Variants in ROBO1 observed in about 807,000 individuals in gnomAD.
ROBO1 encodes roundabout homolog 1.
ROBO1 carries 149 observed loss-of-function variants against 195.9 expected under a neutral mutation model. The observed-to-expected ratio is 0.76, with a 90% CI of 0.67 to 0.87. ROBO1 has a LOEUF of 0.87. Among genes scored for constraint, ROBO1 ranks in the 40% least tolerant of loss-of-function variants. ROBO1 has a pLI of 0.00. For synonymous variants in ROBO1, 816 were observed against 733.2 expected, an observed-to-expected ratio of 1.11 and a Z score of -1.82; for missense variants, 1,933 against 2,068.3, an observed-to-expected ratio of 0.93 and a Z score of 1.27.
At chr3:79,012,357 G>A (rs529218757) in intron 3 of ROBO1, among the ~76,000 whole-genome samples, 6 of 152,166 alleles carry the variant, frequency 3.9e-5, no homozygotes, top group South Asian at 2.1e-4. Flanking sequence ...TGCTTTTAAC[G>A]CTTCATTTAA....
At chr3:78,983,396 T>C (rs1214889582) in intron 3 of ROBO1, among the ~76,000 whole-genome samples, 2 of 152,248 alleles carry the variant, frequency 1.3e-5, no homozygotes, top group Non-Finnish European at 2.9e-5. Flanking sequence ...ATGCACCATA[T>C]TTTTCTTCAT....
chr3:78,922,016 T>C (rs551112378), intron 4 of ROBO1, among the ~76,000 whole-genome samples: 3 of 152,134 alleles, frequency 2.0e-5, no homozygotes, highest in African/African-American at 2.4e-5. Flanking sequence ...TCTTATTTAG[T>C]AGATCATGAG....
chr3:79,337,982 T>G (rs1488950540), intron 2 of ROBO1, among the ~76,000 whole-genome samples: 1 of 152,188 alleles, frequency 6.6e-6, no homozygotes, highest in African/African-American at 2.4e-5. Flanking sequence ...CAAGAAAATA[T>G]TGGGCTATTA....
At chr3:79,056,607 C>A (rs938446052) in intron 3 of ROBO1, among the ~76,000 whole-genome samples, 4 of 152,088 alleles carry the variant, frequency 2.6e-5, no homozygotes, top group African/African-American at 7.2e-5. Context: ...TTTAGGTATT[C>A]CAACCTATGC....
chr3:78,626,489 T>C (rs1324765417), intron 26 of ROBO1, among the ~76,000 whole-genome samples: 1 of 152,078 alleles, frequency 6.6e-6, no homozygotes, highest in Non-Finnish European at 1.5e-5. Flanking sequence ...TTCGAGAATA[T>C]CAAAGGAACC....
chr3:79,069,827 G>T (rs1175254669), intron 3 of ROBO1, among the ~76,000 whole-genome samples: 1 of 151,846 alleles, frequency 6.6e-6, no homozygotes, highest in Non-Finnish European at 1.5e-5. Context: ...CAGTATATGA[G>T]AACAATTCCC....
intron 2 of ROBO1, among the ~76,000 whole-genome samples, chr3:79,222,384 C>A (rs2082155605): frequency 6.6e-6 from 1 of 151,908 alleles, no homozygotes; most frequent in South Asian, 2.1e-4. Flanking sequence ...TTAGTAGATT[C>A]CCCACAATTA....
At chr3:79,486,798 T>C (rs1939181922) in intron 2 of ROBO1, among the ~76,000 whole-genome samples, 1 of 151,994 alleles carries the variant, frequency 6.6e-6, no homozygotes, top group Non-Finnish European at 1.5e-5. Context: ...AAGAAGCAAA[T>C]ATCCAAAAAT....
chr3:79,697,566 A>G (rs550771010), intron 1 of ROBO1, among the ~76,000 whole-genome samples: 1 of 151,594 alleles, frequency 6.6e-6, no homozygotes, highest in Non-Finnish European at 1.5e-5. Context: ...ATAAAAAGGA[A>G]CAAATACATA....
chr3:78,865,786 T>C (rs2035139559), intron 4 of ROBO1, among the ~76,000 whole-genome samples: 1 of 152,124 alleles, frequency 6.6e-6, no homozygotes, highest in African/African-American at 2.4e-5. Context: ...TGAACTCTTT[T>C]TTACTATACA....
intron 1 of ROBO1, among the ~76,000 whole-genome samples, chr3:79,727,455 G>A (rs551601174): frequency 6.6e-6 from 1 of 152,020 alleles, no homozygotes; most frequent in Non-Finnish European, 1.5e-5. Flanking sequence ...TAATGTTTTG[G>A]CCAAATTTAG....
At chr3:79,293,578 G>C (rs895703759) in intron 2 of ROBO1, among the ~76,000 whole-genome samples, 7 of 152,056 alleles carry the variant, frequency 4.6e-5, no homozygotes, top group African/African-American at 1.7e-4. Context: ...GGTACATTGT[G>C]TCTGTTTTCT....
chr3:78,866,405 A>G (rs1289648544), intron 4 of ROBO1, among the ~76,000 whole-genome samples: 2 of 152,234 alleles, frequency 1.3e-5, no homozygotes, highest in Non-Finnish European at 2.9e-5. Context: ...AATAAGGTAG[A>G]GAAGATAGGA....
chr3:78,710,397 T>C (rs1402960143), intron 8 of ROBO1, among the ~76,000 whole-genome samples: 1 of 152,222 alleles, frequency 6.6e-6, no homozygotes, highest in African/African-American at 2.4e-5. Context: ...GTCATGACAA[T>C]ATTAGTACTT....
At chr3:79,383,110 C>T (rs914058560) in intron 2 of ROBO1, among the ~76,000 whole-genome samples, 25 of 152,114 alleles carry the variant, frequency 1.6e-4, no homozygotes, top group Non-Finnish European at 2.8e-4. Flanking sequence ...AGAGAGCTTC[C>T]TATTATACAA....
At chr3:79,728,681 T>A (rs1703026735) in intron 1 of ROBO1, among the ~76,000 whole-genome samples, 2 of 152,174 alleles carry the variant, frequency 1.3e-5, no homozygotes, top group South Asian at 4.1e-4. Context: ...TTTGATGTAA[T>A]CATTTCTCTG....
chr3:78,642,369 A>G (rs1039087097), intron 21 of ROBO1, among the ~76,000 whole-genome samples: 3 of 152,192 alleles, frequency 2.0e-5, no homozygotes, highest in African/African-American at 7.2e-5. Context: ...AGCTGCGGAA[A>G]TGGTGAAGGA....
chr3:79,427,561 A>C (rs1320743233), intron 2 of ROBO1, among the ~76,000 whole-genome samples: 1 of 152,148 alleles, frequency 6.6e-6, no homozygotes, highest in Non-Finnish European at 1.5e-5. Flanking sequence ...CATTTTAAAA[A>C]TGGAGATGCT....
chr3:78,902,460 T>C (rs2107480170), intron 4 of ROBO1, among the ~76,000 whole-genome samples: 1 of 152,276 alleles, frequency 6.6e-6, no homozygotes, highest in African/African-American at 2.4e-5. Flanking sequence ...AGAATAGCTT[T>C]TAAGTATGCT....
Sources: allele counts gnomAD v4.1 joint callset (sites outside exome capture counted in the v4.1 genomes callset), GRCh38; gene constraint gnomAD v4.1.1; transcripts MANE v1.5; gene names NCBI Gene and HGNC (gene_info 2026-07-23, HGNC 2026-07-21).